Variants in DNAJC17 observed in about 807,000 individuals in gnomAD.
DNAJC17 encodes DnaJ heat shock protein family (Hsp40) member C17.
A neutral mutation model predicts 48.1 loss-of-function variants in DNAJC17; 35 were observed. The ratio of observed to expected loss-of-function variants is 0.73; its 90% CI spans 0.56 to 0.96. DNAJC17 has a LOEUF of 0.96. Ranked by LOEUF, DNAJC17 falls within the 50% of genes least tolerant of loss-of-function variation. DNAJC17 has a pLI of 0.00. For synonymous variants in DNAJC17, 117 were observed against 142.7 expected, an observed-to-expected ratio of 0.82 and a Z score of 1.28; for missense variants, 355 against 377.1, an observed-to-expected ratio of 0.94 and a Z score of 0.48.
At chr15:40,774,322 C>T in intron 9 of DNAJC17, 34 bp downstream of exon 9, 1 of 1,612,298 alleles carries the variant, frequency 6.2e-7, no homozygotes, top group Non-Finnish European at 8.5e-7. Context: ...ATGACAGGGC[C>T]ACGAGGGGCC....
At chr15:40,803,094 C>G (rs1292523883) in intron 1 of DNAJC17, among the ~76,000 whole-genome samples, 2 of 149,172 alleles carry the variant, frequency 1.3e-5, no homozygotes, top group African/African-American at 2.5e-5. Context: ...ACAGAGAGAC[C>G]CTGGGTCAAA....
At chr15:40,780,275 T>G in intron 1 of DNAJC17, 1 of 594,186 alleles carries the variant, frequency 1.7e-6, no homozygotes, top group Non-Finnish European at 3.2e-6. Context: ...AGGAGCACAG[T>G]ACCCCGCTTT....
chr15:40,767,685 G>C lies in DNAJC17; in HGVS notation c.*255C>G, dbSNP rs1888982595. The stretch of plus-strand genomic sequence containing the variant: ...CGTGGCTCCTGCATAGCTAGCCCAA[G>C]CCAATAAAGGGCTGTGATGAGTGGC... On this transcript the variant is annotated 3_prime_UTR_variant, in exon 11 of 11. Transcript: ENST00000220496. 1 of 611,546 alleles carries C rather than the reference G, an allele frequency of 1.6e-6. No individual in the cohort carries two copies. Among genetic ancestry groups the C allele is most frequent in the Non-Finnish European group, 2.7e-6 (1 of 367,074 alleles). 37.9% of individuals were successfully genotyped at this position (611,546 alleles called of 1,614,324 possible). A position where few individuals can be genotyped will look rare whatever the true frequency, so the allele number is the denominator to read the frequency against.
At chr15:40,787,882 G>A (rs916125032) in intron 1 of DNAJC17, among the ~76,000 whole-genome samples, 2 of 152,146 alleles carry the variant, frequency 1.3e-5, no homozygotes, top group Non-Finnish European at 2.9e-5. Flanking sequence ...TAAAAGAAAG[G>A]TGCCCTACAA....
At chr15:40,795,227 C>A (rs908244931) in intron 1 of DNAJC17, among the ~76,000 whole-genome samples, 1 of 127,672 alleles carries the variant, frequency 7.8e-6, no homozygotes, top group Non-Finnish European at 1.6e-5. Flanking sequence ...CCAGCCTGGG[C>A]GGGAGAGGGA....
chr15:40,794,035 T>C (rs1209437967), intron 1 of DNAJC17, among the ~76,000 whole-genome samples: 1 of 152,152 alleles, frequency 6.6e-6, no homozygotes, highest in African/African-American at 2.4e-5. Flanking sequence ...ACATGGTAGA[T>C]GCAACAAGCA....
chr15:40,806,229 T>TC (rs1890217345), intron 1 of DNAJC17, among the ~76,000 whole-genome samples: 2 of 150,004 alleles, frequency 1.3e-5, no homozygotes, highest in African/African-American at 4.9e-5. Flanking sequence ...CCTTTTTTTT[T>TC]TTTTTTTTTG....
chr15:40,794,630 C>T (rs1201972978), intron 1 of DNAJC17, among the ~76,000 whole-genome samples: 2 of 152,128 alleles, frequency 1.3e-5, no homozygotes, highest in African/African-American at 4.8e-5. Context: ...TATGATTGCA[C>T]CACTGTACTT....
At position 40,765,189 on chromosome 15, in the gene DNAJC17, T is replaced by C. The variant is rs1596066888; in HGVS notation, c.*2751A>G. ...CTTAAAAGATATGGCTTTATTGATA[T>C]GTAATGTGCATACCATAAATTCTTT... On this transcript the variant is annotated 3_prime_UTR_variant, in exon 11 of 11. Transcript: ENST00000220496. The C allele has an allele frequency of 6.6e-6, 1 of 152,248 alleles. No individual in the cohort carries two copies. Among genetic ancestry groups the C allele is most frequent in the East Asian group, 1.9e-4 (1 of 5,200 alleles). 9.4% of individuals were successfully genotyped at this position (152,248 alleles called of 1,614,324 possible).
chr15:40,794,222 T>C (rs1017939019), intron 1 of DNAJC17, among the ~76,000 whole-genome samples: 1 of 151,494 alleles, frequency 6.6e-6, no homozygotes, highest in East Asian at 2.0e-4. Flanking sequence ...TGGTGGTGCA[T>C]GCCTATAATC....
At chr15:40,800,013 T>C (rs1346672117) in intron 1 of DNAJC17, among the ~76,000 whole-genome samples, 1 of 152,072 alleles carries the variant, frequency 6.6e-6, no homozygotes, top group East Asian at 1.9e-4. Flanking sequence ...TTGTTGTTGT[T>C]GTTGTTTTTG....
chr15:40,803,954 T>C (rs1244572765), intron 1 of DNAJC17, among the ~76,000 whole-genome samples: 2 of 149,422 alleles, frequency 1.3e-5, no homozygotes, highest in East Asian at 2.0e-4. Flanking sequence ...ATTTTCATTA[T>C]GCACACTAGT....
At position 40,765,683 on chromosome 15, in the gene DNAJC17, G is replaced by T; in HGVS notation, c.*2257C>A. The T allele has an allele frequency of 2.3e-6, 1 of 432,082 alleles. No individual in the cohort carries two copies. Among genetic ancestry groups the T allele is most frequent in the Non-Finnish European group, 4.2e-6 (1 of 240,034 alleles). The allele number at this position is 432,082 out of a possible 1,614,324, so 26.8% of individuals were successfully genotyped here. A position where few individuals can be genotyped will look rare whatever the true frequency, so the allele number is the denominator to read the frequency against. The stretch of plus-strand genomic sequence containing the variant: ...TGGGCTCCACCCCTTCACAGCTTGT[G>T]CTCAGCCCCTAAGAATCCTTGCTAC... On this transcript the variant is annotated 3_prime_UTR_variant, in exon 11 of 11. Coordinates refer to ENST00000220496, the MANE Select transcript of DNAJC17 (RefSeq NM_018163.3).
At chr15:40,768,159 GTC>G in intron 10 of DNAJC17, 97 bp from the exon 11 acceptor site, 1 of 1,393,264 alleles carries the variant, frequency 7.2e-7, no homozygotes, top group Non-Finnish European at 9.3e-7. Context: ...CGTTCTAAGA[GTC>G]TCGGAGGGAG....
chr15:40,771,425 G>A, intron 10 of DNAJC17: 1 of 233,970 alleles, frequency 4.3e-6, no homozygotes, highest in Non-Finnish European at 9.2e-6. Flanking sequence ...CACAGACTGA[G>A]CAGAAGAGAT....
intron 1 of DNAJC17, chr15:40,780,225 A>G (rs748612605): frequency 4.0e-5 from 26 of 651,610 alleles, no homozygotes; most frequent in Non-Finnish European, 6.8e-5. Context: ...TAAGTGCTCA[A>G]CCTCACCACT....
intron 8 of DNAJC17, among the ~76,000 whole-genome samples, chr15:40,774,780 T>G (rs1017982421): frequency 6.6e-6 from 1 of 152,210 alleles, no homozygotes; most frequent in African/African-American, 2.4e-5. Flanking sequence ...ACCAAGCTCT[T>G]TGCTTCTAAG....
At chr15:40,804,102 G>A (rs112722120) in intron 1 of DNAJC17, among the ~76,000 whole-genome samples, 4 of 151,918 alleles carry the variant, frequency 2.6e-5, no homozygotes, top group Admixed American at 1.3e-4. Flanking sequence ...ATGTAGCGGG[G>A]ACTACAGGTG....
In DNAJC17 at chr15:40,767,951, G is replaced by C. The variant is rs762395033; in HGVS notation, c.904C>G (p.Pro302Ala). The C allele has an allele frequency of 1.1e-5, 18 of 1,612,714 alleles. No individual in the cohort carries two copies. Among genetic ancestry groups the C allele is most frequent in the Non-Finnish European group, 1.4e-5 (17 of 1,179,684 alleles). The change falls in exon 11 of 11, where the codon CCG (proline) becomes GCG (alanine). Residue 302 changes from proline (P) to alanine (A), a missense_variant. Around this residue, in one of 3 missense-constraint regions of DNAJC17, gnomAD observed 88 missense variants for 67.7 expected, o/e 1.30. Transcript: ENST00000220496. ...GGCTGGAGCTGGGGCTACGTAGGCG[G>C]CCCCTCCTGGTCTTCCTGCTGCATC... is the stretch of plus-strand genomic sequence containing the variant. ...ARMQQEDQEG[P>A]PT
Sources: gnomAD v4.1 joint callset for allele counts (sites outside exome capture counted in the v4.1 genomes callset) on GRCh38, gnomAD v4.1.1 for gene constraint, gnomAD v4.1.1 regional missense constraint, MANE v1.5 for transcripts, NCBI Gene and HGNC (gene_info 2026-07-23, HGNC 2026-07-21) for gene names.